Variants in CACNB4 observed in about 807,000 individuals in gnomAD.
CACNB4 encodes the protein calcium voltage-gated channel auxiliary subunit beta 4.
Under a neutral mutation model 71.2 loss-of-function variants are expected in CACNB4, and 32 were observed. The observed-to-expected ratio is 0.45, with a 90% confidence interval of 0.34 to 0.60. CACNB4 has a LOEUF of 0.60. Ranked by LOEUF, CACNB4 falls within the 20% of genes least tolerant of loss-of-function variation. The pLI, the probability that CACNB4 is intolerant of heterozygous loss-of-function variation, is 0.01. For missense variants in CACNB4, 464 were observed against 647.9 expected (o/e 0.72, Z 3.08); for synonymous variants, 231 against 236.9 (o/e 0.97, Z 0.23).
At chr2:152,014,775 T>C (rs1560133303) in intron 2 of CACNB4, among the ~76,000 whole-genome samples, 2 of 151,842 alleles carry the variant, frequency 1.3e-5, no homozygotes. Flanking sequence ...GGAAAAACTG[T>C]CTTAAAAAAA....
intron 2 of CACNB4, among the ~76,000 whole-genome samples, chr2:152,047,494 T>G (rs1340001916): frequency 6.6e-6 from 1 of 152,204 alleles, no homozygotes; most frequent in Non-Finnish European, 1.5e-5. Context: ...CTTCAAGATA[T>G]CCCATCTTTT....
chr2:151,880,125 G>A (rs2151441030), intron 4 of CACNB4: 1 of 152,324 alleles, frequency 6.6e-6, no homozygotes, highest in East Asian at 1.9e-4. Flanking sequence ...TGAAGTTGAT[G>A]GGTCCTCAGT....
intron 2 of CACNB4, among the ~76,000 whole-genome samples, chr2:152,079,641 C>T (rs2105412400): frequency 6.6e-6 from 1 of 152,046 alleles, no homozygotes; most frequent in Admixed American, 6.6e-5. Flanking sequence ...GTAAAATTAG[C>T]TGGGCGCAGT....
chr2:152,042,622 C>CA (rs748123056), intron 2 of CACNB4, among the ~76,000 whole-genome samples: 5 of 152,012 alleles, frequency 3.3e-5, no homozygotes, highest in Non-Finnish European at 7.4e-5. Flanking sequence ...AAAAAAAGAT[C>CA]AAAAAAAGAA....
intron 9 of CACNB4, among the ~76,000 whole-genome samples, chr2:151,863,933 T>A (rs1206854046): frequency 6.6e-6 from 1 of 152,168 alleles, no homozygotes; most frequent in Non-Finnish European, 1.5e-5. Flanking sequence ...AATAGGAGTT[T>A]CCCTTTTCTG....
chr2:151,900,299 C>G (rs765552140), intron 2 of CACNB4, among the ~76,000 whole-genome samples: 1 of 152,062 alleles, frequency 6.6e-6, no homozygotes, highest in Non-Finnish European at 1.5e-5. Flanking sequence ...AAAAAAGAAA[C>G]GAAGGTTACT....
intron 13 of CACNB4, among the ~76,000 whole-genome samples, chr2:151,840,818 T>A (rs2099836013): frequency 6.6e-6 from 1 of 152,184 alleles, no homozygotes; most frequent in South Asian, 2.1e-4. Context: ...ACAAAACTCA[T>A]CATGATACAA....
At chr2:151,921,073 C>G (rs967956434) in intron 2 of CACNB4, among the ~76,000 whole-genome samples, 4 of 151,592 alleles carry the variant, frequency 2.6e-5, no homozygotes, top group Non-Finnish European at 4.4e-5. Flanking sequence ...GGAGGTGGAG[C>G]CTGCAGTGAG....
chr2:152,008,443 C>T (rs1054058776), intron 2 of CACNB4, among the ~76,000 whole-genome samples: 18 of 152,076 alleles, frequency 1.2e-4, no homozygotes, highest in Admixed American at 9.2e-4. Flanking sequence ...TGCACCACCA[C>T]GCTCAGCTAA....
Position 151,876,552 on chromosome 2 carries a change from T to C in CACNB4, c.395A>G (p.Tyr132Cys). Residue 132 changes from tyrosine (Y) to cysteine (C), a missense_variant, in exon 5 of 14, where the codon TAT (tyrosine) becomes TGT (cysteine). Tyr to Cys is a radical substitution (Grantham distance 194). Coordinates refer to ENST00000539935, the MANE Select transcript of CACNB4 (RefSeq NM_000726.5). ...CCTTCCTATCCACCAATCATTGTTA[T>C]ATTTCTGGAATTCAGAAATAAAATT... ...AKDFLHIKEK[Y>C]NNDWWIGRLV... 1 of 1,595,870 alleles carries C rather than the reference T, an allele frequency of 6.3e-7. No individual in the cohort carries two copies. Among genetic ancestry groups the C allele is most frequent in the Non-Finnish European group, 8.6e-7 (1 of 1,168,668 alleles).
intron 2 of CACNB4, among the ~76,000 whole-genome samples, chr2:152,005,321 T>A (rs537537793): frequency 2.3e-4 from 35 of 152,282 alleles, no homozygotes; most frequent in Admixed American, 7.2e-4. Context: ...GACATATACA[T>A]CAGGGAATAC....
intron 13 of CACNB4, among the ~76,000 whole-genome samples, chr2:151,840,415 A>G (rs533336185): frequency 6.6e-6 from 1 of 152,338 alleles, no homozygotes; most frequent in Admixed American, 6.5e-5. Context: ...ATGAGTCAAG[A>G]TTGTTGTATT....
chr2:152,017,374 C>A (rs1376518406), intron 2 of CACNB4, among the ~76,000 whole-genome samples: 1 of 149,864 alleles, frequency 6.7e-6, no homozygotes, highest in Non-Finnish European at 1.5e-5. Context: ...ATCAACTTCA[C>A]TGATCCAGAG....
intron 2 of CACNB4, among the ~76,000 whole-genome samples, chr2:152,010,123 C>G (rs1682972283): frequency 6.6e-6 from 1 of 152,234 alleles, no homozygotes. Context: ...CTCATTCTAA[C>G]AGGGGTGACT....
chr2:151,943,147 C>T (rs2099864690), intron 2 of CACNB4, among the ~76,000 whole-genome samples: 2 of 152,162 alleles, frequency 1.3e-5, no homozygotes, highest in South Asian at 2.1e-4. Context: ...GTGGGCATCA[C>T]GGTCCTACTG....
At chr2:152,058,638 A>G (rs1579217864) in intron 2 of CACNB4, among the ~76,000 whole-genome samples, 1 of 152,252 alleles carries the variant, frequency 6.6e-6, no homozygotes, top group East Asian at 1.9e-4. Flanking sequence ...AGGGAAGCAG[A>G]GCATAAAAGT....
chr2:152,096,754 C>T lies in CACNB4; in HGVS notation c.147+1576G>A, dbSNP rs182552214. 1.1e-3 allele frequency among the ~76,000 whole-genome samples: 166 copies of T among 152,152 alleles called. 2 individuals carry two copies. The highest frequency in any genetic ancestry group is 2.6e-3 in the Admixed American group (40 of 15,274). On this transcript the variant is annotated intron_variant, in intron 2 of 13. Coordinates refer to ENST00000539935, the MANE Select transcript of CACNB4 (RefSeq NM_000726.5). Reference sequence around the variant, plus strand: ...ATATATACATCATCTCAATCAGTTACGGGCATAAATTGAGAAAAGAGTAAG... The same window carrying T: ...ATATATACATCATCTCAATCAGTTATGGGCATAAATTGAGAAAAGAGTAAG...
chr2:152,001,989 C>T (rs1326067938), intron 2 of CACNB4, among the ~76,000 whole-genome samples: 5 of 152,194 alleles, frequency 3.3e-5, no homozygotes, highest in South Asian at 2.1e-4. Context: ...GTGCTAACAA[C>T]GAGCATTTCT....
chr2:151,901,924 G>GA (rs2099853531), intron 2 of CACNB4, among the ~76,000 whole-genome samples: 1 of 151,654 alleles, frequency 6.6e-6, no homozygotes, highest in Non-Finnish European at 1.5e-5. Context: ...CAAACTGCCA[G>GA]AAAAATAAGT....
Sources: gnomAD v4.1 joint callset for allele counts (sites outside exome capture counted in the v4.1 genomes callset) on GRCh38, gnomAD v4.1.1 for gene constraint, MANE v1.5 for transcripts, NCBI Gene and HGNC (gene_info 2026-07-23, HGNC 2026-07-21) for gene names.